Variants in DIAPH2 observed in about 807,000 individuals in gnomAD.
The protein encoded by DIAPH2 is protein diaphanous homolog 2.
DIAPH2 carries 35 observed loss-of-function variants against 92.7 expected under a neutral mutation model. The ratio of observed to expected loss-of-function variants is 0.38; its 90% CI spans 0.29 to 0.50. DIAPH2 has a LOEUF of 0.50. Among genes scored for constraint, DIAPH2 ranks in the 20% least tolerant of loss-of-function variants. The pLI, the probability that DIAPH2 is intolerant of heterozygous loss-of-function variation, is 0.94. For synonymous variants in DIAPH2, 301 were observed against 280.4 expected, an observed-to-expected ratio of 1.07 and a Z score of -0.73; for missense variants, 701 against 819.5, an observed-to-expected ratio of 0.86 and a Z score of 1.77.
intron 5 of DIAPH2, among the ~76,000 whole-genome samples, chrX:96,899,975 A>G (rs1010265549): frequency 3.2e-5 from 2 of 62,052 alleles, no homozygotes; most frequent in Admixed American, 1.6e-4. Context: ...TTCTGCATCT[A>G]TTGAGATAAT....
chrX:97,237,886 A>G (rs1414411469), intron 22 of DIAPH2, among the ~76,000 whole-genome samples: 1 of 112,523 alleles, frequency 8.9e-6, no homozygotes, highest in African/African-American at 3.2e-5. Context: ...CGGCCCGCAA[A>G]AAAAGATTTT....
At chrX:97,261,407 GC>G (rs781417831) in intron 23 of DIAPH2, among the ~76,000 whole-genome samples, 1 of 111,914 alleles carries the variant, frequency 8.9e-6, no homozygotes, top group South Asian at 3.7e-4. Context: ...AGTTAGTAAT[GC>G]TAATATTGAT....
intron 17 of DIAPH2, among the ~76,000 whole-genome samples, chrX:96,998,142 G>A (rs560895381): frequency 5.4e-5 from 6 of 111,916 alleles, no homozygotes; most frequent in African/African-American, 1.3e-4. Flanking sequence ...GATATAACTC[G>A]TGTATTTTGC....
At chrX:97,185,891 T>A (rs1272088171) in intron 22 of DIAPH2, among the ~76,000 whole-genome samples, 1 of 110,583 alleles carries the variant, frequency 9.0e-6, no homozygotes, top group African/African-American at 3.3e-5. Flanking sequence ...ATCTTTGAAG[T>A]ATAGGTTCCC....
chrX:97,410,595 C>T (rs764405893), intron 25 of DIAPH2, among the ~76,000 whole-genome samples: 3 of 111,857 alleles, frequency 2.7e-5, no homozygotes, highest in Non-Finnish European at 5.6e-5. Flanking sequence ...TTCAGAAGGT[C>T]AGTAATAACA....
intron 17 of DIAPH2, among the ~76,000 whole-genome samples, chrX:97,050,480 C>T (rs2066512070): frequency 9.3e-6 from 1 of 107,455 alleles, no homozygotes. Context: ...ATCAACAACA[C>T]ACAAATAATA....
At chrX:97,580,716 A>G (rs1330992908) in intron 26 of DIAPH2, among the ~76,000 whole-genome samples, 1 of 107,845 alleles carries the variant, frequency 9.3e-6, no homozygotes, top group Non-Finnish European at 1.9e-5. Flanking sequence ...CTCTTTTTCT[A>G]TTGATTGGAA....
intron 26 of DIAPH2, among the ~76,000 whole-genome samples, chrX:97,536,536 A>G (rs1441276934): frequency 1.8e-5 from 2 of 112,377 alleles, no homozygotes; most frequent in African/African-American, 3.2e-5. Flanking sequence ...ACAATTTCAT[A>G]TTTGTATCAG....
At chrX:97,314,261 A>T (rs955863759) in intron 23 of DIAPH2, among the ~76,000 whole-genome samples, 81 of 107,559 alleles carry the variant, frequency 7.5e-4, no homozygotes, top group Non-Finnish European at 1.2e-3. Context: ...AAAAAAAAAA[A>T]ATTATCTAGG....
At chrX:97,309,737 A>C (rs1220446924) in intron 23 of DIAPH2, among the ~76,000 whole-genome samples, 1 of 112,333 alleles carries the variant, frequency 8.9e-6, no homozygotes, top group Non-Finnish European at 1.9e-5. Context: ...TTCATTGATG[A>C]CAACATTAAA....
At chrX:97,073,847 A>T (rs1355728889) in intron 18 of DIAPH2, among the ~76,000 whole-genome samples, 2 of 112,559 alleles carry the variant, frequency 1.8e-5, no homozygotes, top group East Asian at 5.6e-4. Flanking sequence ...GAAGCAGTTT[A>T]TCAGTAGCTG....
chrX:96,702,275 G>A (rs2063859708), intron 1 of DIAPH2, among the ~76,000 whole-genome samples: 1 of 111,988 alleles, frequency 8.9e-6, no homozygotes, highest in Non-Finnish European at 1.9e-5. Flanking sequence ...AAGCTCCTCA[G>A]TTGGTAATAT....
In DIAPH2 at chrX:97,099,733, G is replaced by A. The variant is rs2066894064; in HGVS notation, c.2287G>A (p.Glu763Lys). Residue 763 changes from glutamate to lysine, a missense_variant, in exon 20 of 27, where the codon GAA (glutamate) becomes AAA (lysine). Coordinates refer to ENST00000324765, the MANE Select transcript of DIAPH2 (RefSeq NM_006729.5). Reference sequence around the variant, plus strand: ...TCTTCCTGAGCAGAAGATACTCAACGAATTAGCAGAGCTTAAGAATGAATA... The same window carrying A: ...TCTTCCTGAGCAGAAGATACTCAACAAATTAGCAGAGCTTAAGAATGAATA... The part of the protein sequence containing the change: ...KHLPEQKILN[E>K]LAELKNEYDD... 2 of 1,186,640 alleles carry A rather than the reference G, an allele frequency of 1.7e-6. No individual in the cohort carries two copies. Among genetic ancestry groups the A allele is most frequent in the African/African-American group, 1.8e-5 (1 of 56,442 alleles).
chrX:97,511,991 C>G (rs2070897891), intron 26 of DIAPH2, among the ~76,000 whole-genome samples: 1 of 113,559 alleles, frequency 8.8e-6, no homozygotes, highest in South Asian at 3.5e-4. Flanking sequence ...GTGTCTCTGC[C>G]AGGCTTTGGT....
intron 17 of DIAPH2, among the ~76,000 whole-genome samples, chrX:97,029,347 C>T (rs12007120): frequency 0.018 from 1,941 of 109,432 alleles, 24 homozygotes; most frequent in Non-Finnish European, 0.027. Context: ...AGGGTTTTAC[C>T]ATGTTGCCCA....
intron 22 of DIAPH2, among the ~76,000 whole-genome samples, chrX:97,180,890 C>T (rs1434814581): frequency 9.0e-6 from 1 of 111,540 alleles, no homozygotes; most frequent in Non-Finnish European, 1.9e-5. Context: ...CAGTACCATG[C>T]TGTTTTGGTT....
chrX:97,423,097 G>T (rs1308148020), intron 25 of DIAPH2, among the ~76,000 whole-genome samples: 1 of 111,637 alleles, frequency 9.0e-6, no homozygotes, highest in Non-Finnish European at 1.9e-5. Flanking sequence ...CGGTGGGTTT[G>T]TGTCATTGCT....
rs561435240 is a variant in DIAPH2, at chrX:97,261,757, T to A, written c.2844+13918T>A. Among the ~76,000 whole-genome samples, 65 of 110,649 alleles carry A rather than the reference T, an allele frequency of 5.9e-4. No individual in the cohort carries two copies. In the South Asian group the frequency reaches 0.024, roughly 40 times the overall value. On this transcript the variant is annotated intron_variant, in intron 23 of 26. Coordinates refer to ENST00000324765, the MANE Select transcript of DIAPH2 (RefSeq NM_006729.5). The stretch of plus-strand genomic sequence containing the variant: ...AACACAGAAAGTCAGAGAAATGAAA[T>A]AATAATTCCAAGTTATGCAAATAAG...
At chrX:97,159,490 A>G (rs1370096352) in intron 22 of DIAPH2, among the ~76,000 whole-genome samples, 3 of 111,908 alleles carry the variant, frequency 2.7e-5, no homozygotes, top group Non-Finnish European at 3.8e-5. Context: ...GCCATTAGCC[A>G]AACACTTCCT....
Sources: allele counts gnomAD v4.1 joint callset (sites outside exome capture counted in the v4.1 genomes callset), GRCh38; gene constraint gnomAD v4.1.1; transcripts MANE v1.5; gene names NCBI Gene and HGNC (gene_info 2026-07-23, HGNC 2026-07-21).